The following IQCM variants were observed in gnomAD, a reference collection of about 807,000 sequenced individuals.
IQCM encodes the protein IQ motif containing M, also known as IQ domain-containing protein M.
A neutral mutation model predicts 57.6 loss-of-function variants in IQCM; 45 were observed. The ratio of observed to expected loss-of-function variants is 0.78; its 90% CI spans 0.62 to 1.00. IQCM has a LOEUF of 1.00. IQCM is among the 50% of genes least tolerant of loss of function. The pLI, the probability that IQCM is intolerant of heterozygous loss-of-function variation, is 0.00. For missense variants in IQCM, 468 were observed against 511.6 expected (o/e 0.91, Z 0.82); for synonymous variants, 148 against 158.9 (o/e 0.93, Z 0.51).
intron 7 of IQCM, among the ~76,000 whole-genome samples, chr4:149,643,632 G>C (rs535846886): frequency 2.0e-5 from 3 of 152,108 alleles, no homozygotes; most frequent in African/African-American, 7.2e-5. Flanking sequence ...CTTAAGTACC[G>C]AGCACTGTTT....
intron 11 of IQCM, 104 bp downstream of exon 11, chr4:149,553,039 A>T: frequency 1.2e-6 from 1 of 818,436 alleles, no homozygotes; most frequent in Non-Finnish European, 1.6e-6. Flanking sequence ...CAGCAATATA[A>T]CATATAATCT....
At chr4:149,356,844 C>T (rs1729030218) in intron 13 of IQCM, among the ~76,000 whole-genome samples, 1 of 152,142 alleles carries the variant, frequency 6.6e-6, no homozygotes, top group Non-Finnish European at 1.5e-5. Flanking sequence ...GCAGTATGGC[C>T]ATTTTCATCA....
In IQCM at chr4:149,455,869, G is replaced by A. The variant is rs570989321; in HGVS notation, c.1229-22312C>T. On this transcript the variant is annotated intron_variant, in intron 12 of 13. Transcript: ENST00000636793. Reference sequence around the variant, plus strand: ...ATGCACTTGCTGTCCTAGCTACTAGGGAGATTGAGGCAGGAGGATTGCCTG... The same window carrying A: ...ATGCACTTGCTGTCCTAGCTACTAGAGAGATTGAGGCAGGAGGATTGCCTG... 5.9e-5 allele frequency among the ~76,000 whole-genome samples: 9 copies of A among 151,926 alleles called. No homozygotes were observed. The South Asian group carries it at 1.9e-3, about 32-fold the overall frequency.
chr4:149,775,426 C>A (rs1402937248), intron 2 of IQCM, among the ~76,000 whole-genome samples: 1 of 151,944 alleles, frequency 6.6e-6, no homozygotes, highest in Admixed American at 6.5e-5. Context: ...GATTAAGAGA[C>A]AAAAAATAAA....
intron 12 of IQCM, among the ~76,000 whole-genome samples, chr4:149,544,702 G>C (rs1052308402): frequency 1.9e-4 from 29 of 152,044 alleles, no homozygotes; most frequent in Non-Finnish European, 3.5e-4. Context: ...CGGACAAATA[G>C]ACCAATGGAA....
chr4:149,599,431 A>C (rs1367312087), intron 8 of IQCM, among the ~76,000 whole-genome samples: 3 of 152,222 alleles, frequency 2.0e-5, no homozygotes, highest in Non-Finnish European at 4.4e-5. Context: ...ATGTAAGAGA[A>C]TCATTAACAT....
intron 12 of IQCM, among the ~76,000 whole-genome samples, chr4:149,539,133 C>T (rs1199560810): frequency 6.6e-6 from 1 of 151,842 alleles, no homozygotes; most frequent in Admixed American, 6.6e-5. Context: ...TTATTCATAA[C>T]AAAAAGGTGG....
At chr4:149,467,672 G>A (rs750296495) in intron 12 of IQCM, among the ~76,000 whole-genome samples, 14 of 152,332 alleles carry the variant, frequency 9.2e-5, no homozygotes, top group Non-Finnish European at 1.9e-4. Flanking sequence ...CCAGTAGGCT[G>A]GATGGAACAA....
chr4:149,398,910 T>G (rs1320568717), intron 13 of IQCM, among the ~76,000 whole-genome samples: 3 of 151,878 alleles, frequency 2.0e-5, no homozygotes, highest in South Asian at 2.1e-4. Context: ...TTTTTGTTTG[T>G]TTTTAGTAGA....
chr4:149,654,052 T>C (rs1293101691), intron 7 of IQCM, among the ~76,000 whole-genome samples: 1 of 152,188 alleles, frequency 6.6e-6, no homozygotes, highest in Non-Finnish European at 1.5e-5. Flanking sequence ...ATTTATTTGA[T>C]TCTTACACAA....
At chr4:149,495,782 A>G (rs181245421) in intron 12 of IQCM, among the ~76,000 whole-genome samples, 1 of 152,264 alleles carries the variant, frequency 6.6e-6, no homozygotes, top group South Asian at 2.1e-4. Context: ...AGAGAAGCCA[A>G]GAAAAGTTTG....
intron 3 of IQCM, among the ~76,000 whole-genome samples, 184 bp from the exon 4 acceptor site, chr4:149,735,642 C>T (rs1199327559): frequency 1.3e-5 from 2 of 151,944 alleles, no homozygotes; most frequent in African/African-American, 4.8e-5. Context: ...TACTTCAGTC[C>T]AGAAAAAACA....
At chr4:149,600,358 T>A (rs1754164710) in intron 8 of IQCM, among the ~76,000 whole-genome samples, 1 of 152,200 alleles carries the variant, frequency 6.6e-6, no homozygotes, top group African/African-American at 2.4e-5. Flanking sequence ...AAAAATTTAG[T>A]ATCCTTCCCT....
At chr4:149,381,386 C>T (rs113615470) in intron 13 of IQCM, among the ~76,000 whole-genome samples, 6 of 152,266 alleles carry the variant, frequency 3.9e-5, no homozygotes, top group African/African-American at 1.4e-4. Flanking sequence ...CTATTTCTCT[C>T]AGGCTAAACG....
intron 2 of IQCM, among the ~76,000 whole-genome samples, chr4:149,779,816 T>C (rs1371175817): frequency 6.6e-6 from 1 of 152,164 alleles, no homozygotes; most frequent in East Asian, 1.9e-4. Context: ...AAACCCTGAA[T>C]TGGCACTGGC....
chr4:149,505,523 T>G (rs555867940), intron 12 of IQCM, among the ~76,000 whole-genome samples: 4 of 152,224 alleles, frequency 2.6e-5, no homozygotes, highest in Non-Finnish European at 5.9e-5. Flanking sequence ...CCTGATCATA[T>G]ACAAATGTTT....
intron 13 of IQCM, among the ~76,000 whole-genome samples, chr4:149,413,757 C>T (rs1034078542): frequency 6.6e-6 from 1 of 152,084 alleles, no homozygotes; most frequent in Non-Finnish European, 1.5e-5. Context: ...TTTAAATAAA[C>T]TTCATTAACT....
rs146992325 is a variant in IQCM at position 149,384,303 on chromosome 4, T to C, written c.1391-32237A>G. ...ACTTTGGCATAAGAATTATTTTGAG[T>C]TCAAAGCAACTGAGAAGCAGCAGAT... On this transcript the variant is annotated intron_variant, in intron 13 of 13. Transcript: ENST00000636793. 5.0e-4 allele frequency among the ~76,000 whole-genome samples: 76 copies of C among 152,184 alleles called. 1 individual carries two copies. In the South Asian group the frequency reaches 0.016, roughly 32 times the overall value.
chr4:149,560,802 T>G (rs1750049415), intron 10 of IQCM, among the ~76,000 whole-genome samples: 1 of 152,172 alleles, frequency 6.6e-6, no homozygotes, highest in Non-Finnish European at 1.5e-5. Flanking sequence ...TAGCAGACAC[T>G]GTCCACAGCA....
Sources: gnomAD v4.1 joint callset for allele counts (sites outside exome capture counted in the v4.1 genomes callset) on GRCh38, gnomAD v4.1.1 for gene constraint, MANE v1.5 for transcripts, NCBI Gene and HGNC (gene_info 2026-07-23, HGNC 2026-07-21) for gene names.